Variants in MKRN2 observed in about 807,000 individuals in gnomAD.
The protein encoded by MKRN2 is makorin ring finger protein 2.
In MKRN2, 32 loss-of-function variants were observed where a neutral mutation model predicts 45.4. The observed-to-expected ratio is 0.70, with a 90% CI of 0.53 to 0.95. The LOEUF (loss-of-function observed/expected upper bound fraction) is 0.95. Ranked by LOEUF, MKRN2 falls within the 40% of genes least tolerant of loss-of-function variation. MKRN2 has a pLI of 0.00. For synonymous variants in MKRN2, 206 were observed against 192.4 expected (o/e 1.07, Z -0.59); for missense variants, 526 against 536.7 (o/e 0.98, Z 0.20).
intron 4 of MKRN2, among the ~76,000 whole-genome samples, chr3:12,572,792 C>A (rs746398957): frequency 1.3e-5 from 2 of 152,100 alleles, no homozygotes; most frequent in Non-Finnish European, 2.9e-5. Context: ...ACCACGTTGG[C>A]CAGGCTGGTC....
At chr3:12,566,802 CA>C (rs1315167623) in intron 1 of MKRN2, among the ~76,000 whole-genome samples, 1 of 152,106 alleles carries the variant, frequency 6.6e-6, no homozygotes, top group East Asian at 1.9e-4. Flanking sequence ...GGTGTTTCAC[CA>C]TGTTGACCAG....
intron 1 of MKRN2, among the ~76,000 whole-genome samples, chr3:12,561,997 A>G (rs904230605): frequency 5.3e-5 from 8 of 152,078 alleles, no homozygotes; most frequent in African/African-American, 1.4e-4. Flanking sequence ...GATTATTACC[A>G]TATCTAGTAA....
chr3:12,566,396 G>C (rs920024670), intron 1 of MKRN2, among the ~76,000 whole-genome samples: 1 of 151,738 alleles, frequency 6.6e-6, no homozygotes, highest in Admixed American at 6.6e-5. Context: ...GTTTTGTTTT[G>C]TTTTTTTACA....
At chr3:12,580,636 T>C (rs11717975) in intron 6 of MKRN2, among the ~76,000 whole-genome samples, 8,549 of 152,216 alleles carry the variant, frequency 0.056, 341 homozygotes, top group Non-Finnish European at 0.086. Context: ...TTTGTGTATT[T>C]TTAGTAGAGA....
chr3:12,576,883 G>C (rs568097999), intron 6 of MKRN2, 142 bp downstream of exon 6: 13 of 445,482 alleles, frequency 2.9e-5, no homozygotes, highest in East Asian at 1.2e-4. Context: ...TGGGCTCTGG[G>C]ATGCAGCAAT....
chr3:12,576,700 T>C lies in MKRN2; in HGVS notation c.927T>C (p.Asn309=), dbSNP rs1488604401. 6.2e-7 allele frequency: 1 copy of C among 1,610,360 alleles called. No homozygotes were observed. The highest frequency in any genetic ancestry group is 1.1e-5 in the South Asian group (1 of 90,988). The change falls in exon 6 of 8, where the codon AAT becomes AAC. Residue 309 remains asparagine, a synonymous_variant. Transcript: ENST00000170447. ...IPSVYWVEDQ[N]KKNELIEAFK... ...GTGTGTATTGGGTGGAAGATCAGAA[T>C]AAAAAGAACGAGTTGATTGAAGCTT... is the stretch of plus-strand genomic sequence containing the variant.
At position 12,572,347 on chromosome 3, in the gene MKRN2, C is replaced by G; in HGVS notation, c.616C>G (p.Pro206Ala). The G allele has an allele frequency of 6.3e-7, 1 of 1,587,964 alleles. No homozygotes were observed. The highest frequency in any genetic ancestry group is 8.6e-7 in the Non-Finnish European group (1 of 1,163,396). Residue 206 changes from proline (P) to alanine (A), a missense_variant, in exon 4 of 8, where the codon CCA becomes GCA. Coordinates refer to ENST00000170447, the MANE Select transcript of MKRN2 (RefSeq NM_014160.5). ...GCTGCAAGTCTTGCACCCATTCGAC[C>G]CAGAGCAGAGGAAGGCTCATGAAAA... ...CRLQVLHPFD[P>A]EQRKAHEKIC...
chr3:12,578,468 C>A (rs1403242479), intron 6 of MKRN2, among the ~76,000 whole-genome samples: 1 of 152,026 alleles, frequency 6.6e-6, no homozygotes, highest in Non-Finnish European at 1.5e-5. Context: ...CAGGCGCATG[C>A]CGCCACGCCT....
Position 12,572,148 on chromosome 3 carries a change from C to G in MKRN2, c.417C>G (p.Ser139Arg). 1 of 1,614,132 alleles carries G rather than the reference C, an allele frequency of 6.2e-7. No homozygotes were observed. Among genetic ancestry groups the G allele is most frequent in the East Asian group, 2.2e-5 (1 of 44,870 alleles). The change falls in exon 4 of 8, where the codon AGC becomes AGG. Residue 139 changes from serine (S) to arginine (R), a missense_variant. Transcript: ENST00000170447. ...GCAGCTGCAGCGACCCCCAGCCCAG[C>G]CCCGAGATGAAGCCGCATTCCTACC... Reference protein sequence around the residue: ...NPGSCSDPQPSPEMKPHSYLD... With the variant: ...NPGSCSDPQPRPEMKPHSYLD...
At position 12,568,920 on chromosome 3, in the gene MKRN2, C is replaced by G. The variant is rs1559388360; in HGVS notation, c.72C>G (p.Phe24Leu). The part of the protein sequence containing the change: ...GVCREGSQCL[F>L]SHDLANSKPS... ...GTCGGGAAGGAAGTCAGTGCCTATT[C>G]TCACATGACTTGGCAAACAGCAAAC... The change falls in exon 2 of 8, where the codon TTC becomes TTG. Residue 24 changes from phenylalanine to leucine, a missense_variant. Coordinates refer to ENST00000170447, the MANE Select transcript of MKRN2 (RefSeq NM_014160.5). 1.9e-6 allele frequency: 3 copies of G among 1,614,124 alleles called. No individual in the cohort carries two copies. The highest frequency in any genetic ancestry group is 1.7e-6 in the Non-Finnish European group (2 of 1,180,020).
At chr3:12,568,813 A>C in intron 1 of MKRN2, 62 bp from the exon 2 acceptor site, 1 of 1,579,220 alleles carries the variant, frequency 6.3e-7, no homozygotes, top group South Asian at 1.2e-5. Context: ...GTTCAAGAAT[A>C]AGCTGATTTT....
At chr3:12,573,833 C>T (rs2058114776) in intron 4 of MKRN2, among the ~76,000 whole-genome samples, 1 of 151,542 alleles carries the variant, frequency 6.6e-6, no homozygotes, top group African/African-American at 2.4e-5. Context: ...GTGGAGCTTG[C>T]AGCGAGCTGA....
In MKRN2 at chr3:12,574,912, A is replaced by G; in HGVS notation, c.763A>G (p.Arg255Gly). The G allele has an allele frequency of 3.7e-6, 6 of 1,614,186 alleles. No individual in the cohort carries two copies. Among genetic ancestry groups the G allele is most frequent in the Non-Finnish European group, 4.2e-6 (5 of 1,180,006 alleles). ...GGAGAAGGCCTCTGCTTCTGAGAGG[A>G]GATTTGGGATTCTCTCCAATTGCAA... ...ILEKASASER[R>G]FGILSNCNHT... The change falls in exon 5 of 8, where the codon AGA (arginine) becomes GGA (glycine). Residue 255 changes from arginine to glycine, a missense_variant. Coordinates refer to ENST00000170447, the MANE Select transcript of MKRN2 (RefSeq NM_014160.5).
chr3:12,573,616 G>C (rs926910759), intron 4 of MKRN2, among the ~76,000 whole-genome samples: 6 of 151,894 alleles, frequency 4.0e-5, no homozygotes, highest in Admixed American at 3.9e-4. Flanking sequence ...TATTTTGGCT[G>C]GGCACAGTGG....
In MKRN2 at chr3:12,574,653, C is replaced by A. The variant is rs1575521387; in HGVS notation, c.643-139C>A. The A allele has an allele frequency of 1.7e-5, 13 of 781,264 alleles. No homozygotes were observed. The East Asian group carries it at 3.2e-4, about 19-fold the overall frequency. The allele number at this position is 781,264 out of a possible 1,614,324, so 48.4% of individuals were successfully genotyped here. A position where few individuals can be genotyped will look rare whatever the true frequency, so the allele number is the denominator to read the frequency against. On this transcript the variant is annotated intron_variant, in intron 4 of 7. Transcript: ENST00000170447. ...TGTCAGTGTCCTGACTTGGGGGAGC[C>A]TGGGCCTTTGCTCACAGCAGTCGCT...
chr3:12,567,826 G>A (rs76320207), intron 1 of MKRN2, among the ~76,000 whole-genome samples: 122 of 152,020 alleles, frequency 8.0e-4, no homozygotes, highest in Non-Finnish European at 1.4e-3. Context: ...GTTCATCTAG[G>A]GTCTCTACTG....
rs1257484345 is a variant in MKRN2, at chr3:12,572,323, C to G, written c.592C>G (p.Leu198Val). Reference protein sequence around the residue: ...LHGEVCEICRLQVLHPFDPEQ... With the variant: ...LHGEVCEICRVQVLHPFDPEQ... ...CGGGGAGGTGTGTGAAATCTGTAGGCTGCAAGTCTTGCACCCATTCGACCC... is the reference window on the plus strand; with the variant it reads ...CGGGGAGGTGTGTGAAATCTGTAGGGTGCAAGTCTTGCACCCATTCGACCC... Residue 198 changes from leucine to valine, a missense_variant, in exon 4 of 8, where the codon CTG becomes GTG. Physicochemically the swap from Leu to Val is conservative, Grantham distance 32. Transcript: ENST00000170447. 6 of 1,609,134 alleles carry G rather than the reference C, an allele frequency of 3.7e-6. No individual in the cohort carries two copies. In the South Asian group the frequency reaches 6.6e-5, roughly 18 times the overall value.
intron 6 of MKRN2, among the ~76,000 whole-genome samples, chr3:12,578,198 T>A (rs1206148563): frequency 6.6e-6 from 1 of 152,206 alleles, no homozygotes; most frequent in Non-Finnish European, 1.5e-5. Context: ...TGGCTGTGAT[T>A]TCCTTGAACT....
intron 1 of MKRN2, among the ~76,000 whole-genome samples, chr3:12,566,089 A>G (rs938936980): frequency 2.0e-5 from 3 of 152,084 alleles, no homozygotes; most frequent in African/African-American, 7.2e-5. Flanking sequence ...CCTGGGTTCA[A>G]GCAGTCCTCA....
Sources: gnomAD v4.1 joint callset for allele counts (sites outside exome capture counted in the v4.1 genomes callset) on GRCh38, gnomAD v4.1.1 for gene constraint, MANE v1.5 for transcripts, NCBI Gene and HGNC (gene_info 2026-07-23, HGNC 2026-07-21) for gene names.